CTNNA1: variants seen among roughly 807,000 people sequenced by gnomAD.
CTNNA1 encodes the protein catenin alpha 1.
A neutral mutation model predicts 98.4 loss-of-function variants in CTNNA1; 37 were observed. The observed-to-expected ratio is 0.38, with a 90% CI of 0.29 to 0.49. The LOEUF (loss-of-function observed/expected upper bound fraction) is 0.49. Among genes scored for constraint, CTNNA1 ranks in the 20% least tolerant of loss-of-function variants. CTNNA1 has a pLI of 0.95. For missense variants in CTNNA1, 761 were observed against 1,147.2 expected (o/e 0.66, Z 4.86); for synonymous variants, 404 against 413.2 (o/e 0.98, Z 0.27).
At chr5:138,812,950 C>T (rs1758995864) in intron 5 of CTNNA1, among the ~76,000 whole-genome samples, 1 of 152,174 alleles carries the variant, frequency 6.6e-6, no homozygotes, top group Non-Finnish European at 1.5e-5. Flanking sequence ...TTTCATAGTC[C>T]TGATCAAGCT....
intron 7 of CTNNA1, among the ~76,000 whole-genome samples, chr5:138,881,634 C>T (rs1443402246): frequency 6.6e-6 from 1 of 152,222 alleles, no homozygotes; most frequent in East Asian, 1.9e-4. Context: ...TCAAGATCTT[C>T]ATCTCTTGCT....
chr5:138,858,152 G>A (rs1030962671), intron 7 of CTNNA1, among the ~76,000 whole-genome samples: 1 of 149,092 alleles, frequency 6.7e-6, no homozygotes, highest in Non-Finnish European at 1.5e-5. Context: ...TTTGAGACAG[G>A]TTCTTGCTCT....
In CTNNA1 at chr5:138,844,172, TAAAAG is replaced by T. The variant is rs145615471; in HGVS notation, c.1062+16455_1062+16459del. ...TTAAAAATTTTTAAAATTTTAAAAA[TAAAAG>T]TAGAGATGGGGTTTTGCTGTGTTGC... On this transcript the variant is annotated intron_variant, in intron 7 of 17. Transcript: ENST00000302763. Among the ~76,000 whole-genome samples the T allele has an allele frequency of 2.0e-5, 3 of 152,240 alleles. No individual in the cohort carries two copies. In the East Asian group the frequency reaches 5.8e-4, roughly 29 times the overall value.
chr5:138,873,898 A>G lies in CTNNA1; in HGVS notation c.1063-12314A>G, dbSNP rs562406459. 4.3e-6 allele frequency: 7 copies of G among 1,613,892 alleles called. No homozygotes were observed. Among genetic ancestry groups the G allele is most frequent in the African/African-American group, 1.3e-5 (1 of 74,904 alleles). On this transcript the variant is annotated intron_variant, in intron 7 of 17. Coordinates refer to ENST00000302763, the MANE Select transcript of CTNNA1 (RefSeq NM_001903.5). The surrounding 1 kb of genome is among the most constrained non-coding windows in gnomAD (Gnocchi z 6.1). ...TGCTTAGCCGTAGGAAATGAGCAAA[A>G]TTAATCTTCGTCAGCTGGTTGTGCT...
At chr5:138,798,961 C>G (rs923874127) in intron 3 of CTNNA1, among the ~76,000 whole-genome samples, 5 of 151,990 alleles carry the variant, frequency 3.3e-5, no homozygotes, top group African/African-American at 1.2e-4. Flanking sequence ...TTTAAACTAA[C>G]AGGTATCTTT....
At chr5:138,822,528 C>T (rs1434876760) in intron 5 of CTNNA1, among the ~76,000 whole-genome samples, 1 of 152,136 alleles carries the variant, frequency 6.6e-6, no homozygotes, top group East Asian at 1.9e-4. Flanking sequence ...CAAATGCCTT[C>T]CCGGAAAACT....
At chr5:138,932,850 C>T in intron 17 of CTNNA1, 138 bp downstream of exon 17, 1 of 1,081,866 alleles carries the variant, frequency 9.2e-7, no homozygotes, top group Non-Finnish European at 1.4e-6. Flanking sequence ...GTCCCAGTCT[C>T]TGGAGACCAA....
intron 1 of CTNNA1, among the ~76,000 whole-genome samples, chr5:138,766,007 A>G (rs1470768296): frequency 6.6e-6 from 1 of 151,010 alleles, no homozygotes; most frequent in Non-Finnish European, 1.5e-5. Flanking sequence ...ATCTGTCATG[A>G]GAGATGTTTC....
intron 7 of CTNNA1, among the ~76,000 whole-genome samples, chr5:138,847,816 T>C (rs938710356): frequency 1.3e-5 from 2 of 152,216 alleles, no homozygotes; most frequent in African/African-American, 4.8e-5. Flanking sequence ...TTTCTGTTGC[T>C]TTGGAGCTTA....
At chr5:138,868,885 A>G (rs112132752) in intron 7 of CTNNA1, 6 of 152,318 alleles carry the variant, frequency 3.9e-5, no homozygotes, top group Non-Finnish European at 8.8e-5. Context: ...ACATGTCAAA[A>G]TTGATAGGTT....
At chr5:138,818,348 C>T (rs568351126) in intron 5 of CTNNA1, among the ~76,000 whole-genome samples, 9 of 151,666 alleles carry the variant, frequency 5.9e-5, no homozygotes, top group South Asian at 2.1e-4. Context: ...CTCCTGGGCT[C>T]ACACTGACTT....
At chr5:138,856,503 G>A (rs1056043303) in intron 7 of CTNNA1, among the ~76,000 whole-genome samples, 4 of 152,066 alleles carry the variant, frequency 2.6e-5, no homozygotes, top group African/African-American at 4.8e-5. Context: ...TACCACACTC[G>A]GCTAATTTTT....
intron 7 of CTNNA1, among the ~76,000 whole-genome samples, chr5:138,847,507 A>G (rs1355533735): frequency 6.6e-6 from 1 of 152,234 alleles, no homozygotes; most frequent in Non-Finnish European, 1.5e-5. Context: ...TTCAAATATA[A>G]TGTCCCCTGT....
intron 1 of CTNNA1, among the ~76,000 whole-genome samples, chr5:138,776,039 CTTTTT>C (rs57467422): frequency 1.6e-3 from 138 of 83,886 alleles, no homozygotes; most frequent in African/African-American, 6.1e-3. Flanking sequence ...GGAAATGTTT[CTTTTT>C]TTTTTTTTTT....
chr5:138,909,854 T>G (rs1253868080), intron 10 of CTNNA1, among the ~76,000 whole-genome samples: 2 of 152,142 alleles, frequency 1.3e-5, no homozygotes, highest in African/African-American at 4.8e-5. Context: ...GGTGGGAAAA[T>G]ACATGGCCCT....
At chr5:138,811,092 C>T (rs1175202078) in intron 4 of CTNNA1, among the ~76,000 whole-genome samples, 6 of 151,952 alleles carry the variant, frequency 3.9e-5, no homozygotes, top group South Asian at 4.1e-4. Flanking sequence ...GTGTGGTTGC[C>T]GGGCGGAGGG....
chr5:138,825,503 C>CTTTTTTTTTT (rs1760614663), intron 6 of CTNNA1, among the ~76,000 whole-genome samples: 1 of 15,308 alleles, frequency 6.5e-5, no homozygotes, highest in Admixed American at 8.2e-4. Flanking sequence ...TTTTTTAGGG[C>CTTTTTTTTTT]TTTAAAAGTA....
chr5:138,866,382 G>T (rs1764791061), intron 7 of CTNNA1, among the ~76,000 whole-genome samples: 1 of 151,356 alleles, frequency 6.6e-6, no homozygotes, highest in African/African-American at 2.4e-5. Flanking sequence ...AAACACAATT[G>T]TCAATAGATA....
At chr5:138,914,066 T>C (rs1761237162) in intron 10 of CTNNA1, among the ~76,000 whole-genome samples, 1 of 152,254 alleles carries the variant, frequency 6.6e-6, no homozygotes, top group Admixed American at 6.5e-5. Flanking sequence ...GAAATGAGTA[T>C]TTAATATTAT....
Sources: allele counts gnomAD v4.1 joint callset (sites outside exome capture counted in the v4.1 genomes callset), GRCh38; gene constraint gnomAD v4.1.1; non-coding constraint Gnocchi (gnomAD v3.1); transcripts MANE v1.5; gene names NCBI Gene and HGNC (gene_info 2026-07-23, HGNC 2026-07-21).